The following ITSN1 variants were observed in gnomAD, a reference collection of about 807,000 sequenced individuals.
ITSN1 encodes the protein intersectin-1.
In ITSN1, 58 loss-of-function variants were observed where a neutral mutation model predicts 239.8. That is an observed-to-expected ratio of 0.24 (90% CI 0.20 to 0.30). The LOEUF is 0.30. ITSN1 is among the 10% of genes least tolerant of loss of function. ITSN1 has a pLI of 1.00. For synonymous variants in ITSN1, 780 were observed against 770.8 expected (o/e 1.01, Z -0.20); for missense variants, 1,558 against 2,103.3 (o/e 0.74, Z 5.07).
At chr21:33,868,575 T>C (rs1230375163) in intron 33 of ITSN1, among the ~76,000 whole-genome samples, 1 of 152,214 alleles carries the variant, frequency 6.6e-6, no homozygotes, top group Non-Finnish European at 1.5e-5. Flanking sequence ...AAGTCCCTCA[T>C]TGCCCGGAGC....
intron 21 of ITSN1, among the ~76,000 whole-genome samples, chr21:33,813,212 G>T (rs1387894045): frequency 1.3e-5 from 2 of 151,132 alleles, no homozygotes; most frequent in Non-Finnish European, 3.0e-5. Flanking sequence ...ACAGAGTCTT[G>T]CTCTGTCACC....
chr21:33,804,542 A>C (rs1471698844), intron 20 of ITSN1, among the ~76,000 whole-genome samples: 2 of 152,224 alleles, frequency 1.3e-5, no homozygotes, highest in African/African-American at 4.8e-5. Context: ...TGCTCAGGGA[A>C]GACCAAATGC....
At chr21:33,695,865 C>G (rs752921267) in intron 1 of ITSN1, among the ~76,000 whole-genome samples, 6 of 152,200 alleles carry the variant, frequency 3.9e-5, no homozygotes, top group Non-Finnish European at 8.8e-5. Flanking sequence ...TTCTTTTCAG[C>G]TTTTCTCCCT....
intron 33 of ITSN1, among the ~76,000 whole-genome samples, chr21:33,867,701 T>G (rs1981866185): frequency 6.6e-6 from 1 of 151,668 alleles, no homozygotes; most frequent in Non-Finnish European, 1.5e-5. Context: ...TTGGTCTCAC[T>G]GACTTCAAGA....
intron 8 of ITSN1, among the ~76,000 whole-genome samples, chr21:33,759,359 C>T (rs1028201281): frequency 6.6e-6 from 1 of 152,168 alleles, no homozygotes; most frequent in African/African-American, 2.4e-5. Flanking sequence ...TGTCACATGC[C>T]ATTAGGGAGT....
chr21:33,741,933 C>T (rs963566026), intron 5 of ITSN1, among the ~76,000 whole-genome samples: 2 of 144,800 alleles, frequency 1.4e-5, no homozygotes, highest in East Asian at 4.0e-4. Flanking sequence ...GTCTGATTTT[C>T]TTACTGTATA....
intron 1 of ITSN1, among the ~76,000 whole-genome samples, chr21:33,681,570 A>G (rs1171309873): frequency 6.6e-6 from 1 of 151,970 alleles, no homozygotes; most frequent in African/African-American, 2.4e-5. Context: ...GAAAGTAAAC[A>G]GATTATTTTC....
rs186072390 is a variant in ITSN1 at position 33,753,505 on chromosome 21, G to A, written c.623+1599G>A. ...GGGCTGGGTGCAGTGGCTCACGCCT[G>A]TAATCCCAGCACTTTGGTAGGCCAA... On this transcript the variant is annotated intron_variant, in intron 7 of 39. Coordinates refer to ENST00000381318, the MANE Select transcript of ITSN1 (RefSeq NM_003024.3). Among the ~76,000 whole-genome samples, 265 of 152,210 alleles carry A rather than the reference G, an allele frequency of 1.7e-3. 1 individual carries two copies. The highest frequency in any genetic ancestry group is 5.9e-3 in the African/African-American group (244 of 41,532).
chr21:33,754,952 T>G (rs1326124735), intron 7 of ITSN1, among the ~76,000 whole-genome samples: 1 of 152,234 alleles, frequency 6.6e-6, no homozygotes, highest in Admixed American at 6.5e-5. Flanking sequence ...GTTTTAGAAA[T>G]TAGAATAGCC....
chr21:33,755,945 G>A (rs187529020), intron 8 of ITSN1, among the ~76,000 whole-genome samples: 45 of 152,252 alleles, frequency 3.0e-4, no homozygotes, highest in Admixed American at 6.5e-4. Context: ...ACGTCAGAAG[G>A]ATAGACAGGA....
intron 11 of ITSN1, among the ~76,000 whole-genome samples, chr21:33,769,371 A>T (rs1237023389): frequency 3.9e-5 from 6 of 152,222 alleles, no homozygotes; most frequent in South Asian, 2.1e-4. Flanking sequence ...AATTAAAAAG[A>T]TGTATAGAGA....
intron 29 of ITSN1, among the ~76,000 whole-genome samples, chr21:33,840,793 C>CAGT (rs1414399574): frequency 6.6e-6 from 1 of 152,216 alleles, no homozygotes; most frequent in Non-Finnish European, 1.5e-5. Flanking sequence ...CCACTGTGCC[C>CAGT]AGTCTGTTTT....
intron 1 of ITSN1, among the ~76,000 whole-genome samples, chr21:33,645,454 A>C (rs1035562997): frequency 1.3e-5 from 2 of 151,968 alleles, no homozygotes; most frequent in East Asian, 3.9e-4. Flanking sequence ...CAGCTTGGGC[A>C]ACACAGGGAA....
At chr21:33,827,875 G>C (rs188625728) in intron 26 of ITSN1, among the ~76,000 whole-genome samples, 20 of 152,336 alleles carry the variant, frequency 1.3e-4, no homozygotes, top group Admixed American at 1.2e-3. Context: ...GGATTTGCTT[G>C]TCTGTCTGGT....
chr21:33,645,213 G>C (rs2087826947), intron 1 of ITSN1, among the ~76,000 whole-genome samples: 1 of 152,198 alleles, frequency 6.6e-6, no homozygotes, highest in African/African-American at 2.4e-5. Context: ...ATTATATTAT[G>C]CACCTCAAAT....
chr21:33,868,486 G>A (rs897950027), intron 33 of ITSN1, among the ~76,000 whole-genome samples: 5 of 152,236 alleles, frequency 3.3e-5, no homozygotes, highest in African/African-American at 9.6e-5. Context: ...AAGGCCCGCT[G>A]AGAAATCGAG....
intron 29 of ITSN1, chr21:33,838,625 G>A (rs1459597925): frequency 5.0e-6 from 1 of 200,324 alleles, no homozygotes; most frequent in East Asian, 1.9e-4. Context: ...TTGAAATACA[G>A]ACATTATCAG....
In ITSN1 at chr21:33,899,732, C is replaced by T. The variant is rs1443909736; in HGVS notation, c.*11432C>T. 2 of 152,122 alleles carry T rather than the reference C, an allele frequency of 1.3e-5. No individual in the cohort carries two copies. Among genetic ancestry groups the T allele is most frequent in the Non-Finnish European group, 2.9e-5 (2 of 68,046 alleles). 9.4% of individuals were successfully genotyped at this position (152,122 alleles called of 1,614,324 possible). A position where few individuals can be genotyped will look rare whatever the true frequency, so the allele number is the denominator to read the frequency against. On this transcript the variant is annotated 3_prime_UTR_variant, in exon 40 of 40. Transcript: ENST00000381318. ...AGCAACATCAGTACAAATTGCTCTT[C>T]CTGTGTATCTTGAACCTAAAAAGAA... is the stretch of plus-strand genomic sequence containing the variant.
rs1422144887 is a variant in ITSN1, at chr21:33,894,758, C to G, written c.*6458C>G. The G allele has an allele frequency of 6.6e-6, 1 of 152,214 alleles. No individual in the cohort carries two copies. Among genetic ancestry groups the G allele is most frequent in the Non-Finnish European group, 1.5e-5 (1 of 68,052 alleles). The allele number at this position is 152,214 out of a possible 1,614,324, so 9.4% of individuals were successfully genotyped here. ...TTAACTCAAATCTCTTATTTCCTGC[C>G]GTTCCTGTATCTAAACAGAATGGGG... On this transcript the variant is annotated 3_prime_UTR_variant, in exon 40 of 40. Transcript: ENST00000381318.
Sources: allele counts gnomAD v4.1 joint callset (sites outside exome capture counted in the v4.1 genomes callset), GRCh38; gene constraint gnomAD v4.1.1; transcripts MANE v1.5; gene names NCBI Gene and HGNC (gene_info 2026-07-23, HGNC 2026-07-21).